The following LRFN2 variants were observed in gnomAD, a reference collection of about 807,000 sequenced individuals.
LRFN2 encodes the protein leucine-rich repeat and fibronectin type-III domain-containing protein 2.
LRFN2 carries 18 observed loss-of-function variants against 37.3 expected under a neutral mutation model. That is an observed-to-expected ratio of 0.48 (90% CI 0.33 to 0.72). The LOEUF is 0.72. LRFN2 is among the 30% of genes least tolerant of loss of function. LRFN2 has a pLI of 0.02. For synonymous variants in LRFN2, 556 were observed against 466.6 expected (o/e 1.19, Z -2.47); for missense variants, 1,006 against 1,060.7 (o/e 0.95, Z 0.72).
At chr6:40,560,313 G>A (rs1294121189) in intron 1 of LRFN2, among the ~76,000 whole-genome samples, 1 of 152,124 alleles carries the variant, frequency 6.6e-6, no homozygotes, top group Non-Finnish European at 1.5e-5. Flanking sequence ...TGTGTTCAAG[G>A]TCTATAGGCT....
intron 1 of LRFN2, among the ~76,000 whole-genome samples, chr6:40,453,513 AACACACACAC>A (rs5875719): frequency 0.014 from 1,625 of 119,782 alleles, 34 homozygotes; most frequent in African/African-American, 0.046. Flanking sequence ...CCCCAAGCCA[AACACACACAC>A]ACACACACAC....
In LRFN2 at chr6:40,392,112, G is replaced by T. The variant is rs1023063963; in HGVS notation, c.2201C>A (p.Ala734Glu). Residue 734 changes from alanine (A) to glutamate (E), a missense_variant, in exon 3 of 3, where the codon GCG (alanine) becomes GAG (glutamate). Transcript: ENST00000338305. This position sits in a 1 kb window ranked among gnomAD's most constrained non-coding sequence, Gnocchi z 4.7. Reference protein sequence around the residue: ...FDMGDFAAAAAGGVVPGGYSP... With the variant: ...FDMGDFAAAAEGGVVPGGYSP... ...GTAGCCGCCCGGCACGACCCCTCCC[G>T]CCGCCGCAGCAGCAAAGTCCCCCAT... The T allele has an allele frequency of 1.9e-6, 3 of 1,612,858 alleles. No individual in the cohort carries two copies. The highest frequency in any genetic ancestry group is 2.5e-6 in the Non-Finnish European group (3 of 1,179,680).
At chr6:40,540,473 G>A (rs1447111225) in intron 1 of LRFN2, among the ~76,000 whole-genome samples, 2 of 152,072 alleles carry the variant, frequency 1.3e-5, no homozygotes, top group Non-Finnish European at 2.9e-5. Flanking sequence ...ACCACCACAG[G>A]GGCGGGGAGC....
chr6:40,480,537 C>T (rs1438222424), intron 1 of LRFN2, among the ~76,000 whole-genome samples: 2 of 152,128 alleles, frequency 1.3e-5, no homozygotes, highest in African/African-American at 4.8e-5. Context: ...TTCGGCCTCC[C>T]AAAGTGCTGG....
At chr6:40,409,450 G>A (rs551874573) in intron 2 of LRFN2, among the ~76,000 whole-genome samples, 179 of 152,332 alleles carry the variant, frequency 1.2e-3, no homozygotes, top group African/African-American at 4.1e-3. Context: ...TATTTGTTCA[G>A]TACAGAGTAT....
chr6:40,556,749 A>G (rs1311740135), intron 1 of LRFN2, among the ~76,000 whole-genome samples: 3 of 141,144 alleles, frequency 2.1e-5, no homozygotes, highest in Admixed American at 6.9e-5. Context: ...ACACACACAC[A>G]CACGCACACA....
At chr6:40,532,765 A>T (rs902831609) in intron 1 of LRFN2, among the ~76,000 whole-genome samples, 2 of 152,234 alleles carry the variant, frequency 1.3e-5, no homozygotes, top group Non-Finnish European at 2.9e-5. Flanking sequence ...ATCATTATTT[A>T]CATGTCTGCC....
chr6:40,471,593 C>T (rs1385779218), intron 1 of LRFN2, among the ~76,000 whole-genome samples: 1 of 152,124 alleles, frequency 6.6e-6, no homozygotes, highest in East Asian at 1.9e-4. Context: ...ACTGCAGCCA[C>T]CCCCAACTCC....
chr6:40,549,715 A>C (rs1213318747), intron 1 of LRFN2, among the ~76,000 whole-genome samples: 1 of 152,182 alleles, frequency 6.6e-6, no homozygotes, highest in East Asian at 1.9e-4. Context: ...GGAAGTGTGA[A>C]TCCCCAGACC....
chr6:40,514,674 C>G (rs947900657), intron 1 of LRFN2, among the ~76,000 whole-genome samples: 2 of 152,182 alleles, frequency 1.3e-5, no homozygotes, highest in Admixed American at 1.3e-4. Context: ...GGTAAAGGAT[C>G]TGAGAAGGTC....
chr6:40,399,774 T>C (rs1292884754), intron 2 of LRFN2, among the ~76,000 whole-genome samples: 3 of 151,932 alleles, frequency 2.0e-5, no homozygotes, highest in Non-Finnish European at 2.9e-5. Context: ...AATGTTCTTT[T>C]ATTTCTGACT....
chr6:40,447,270 CATGTCCCCACCGT>C (rs1327481681), intron 1 of LRFN2, among the ~76,000 whole-genome samples: 1 of 152,252 alleles, frequency 6.6e-6, no homozygotes, highest in African/African-American at 2.4e-5. Flanking sequence ...TCAAGCAAAG[CATGTCCCCACCGT>C]ATGCCTCAGT....
intron 1 of LRFN2, among the ~76,000 whole-genome samples, chr6:40,494,352 G>A (rs1432058573): frequency 1.3e-5 from 2 of 152,142 alleles, no homozygotes; most frequent in Non-Finnish European, 2.9e-5. Context: ...GTGAGAGCAA[G>A]GGGCTTAGTT....
intron 1 of LRFN2, among the ~76,000 whole-genome samples, chr6:40,483,553 G>A (rs560819072): frequency 6.6e-5 from 10 of 152,336 alleles, no homozygotes; most frequent in African/African-American, 2.4e-4. Flanking sequence ...CACTTATTGT[G>A]TGCCAGTCTC....
chr6:40,507,975 A>G (rs1471103679), intron 1 of LRFN2, among the ~76,000 whole-genome samples: 1 of 152,176 alleles, frequency 6.6e-6, no homozygotes. Flanking sequence ...CCTCTGCCCC[A>G]GTGGAAAGGT....
chr6:40,469,388 G>A (rs981638363), intron 1 of LRFN2, among the ~76,000 whole-genome samples: 2 of 109,512 alleles, frequency 1.8e-5, no homozygotes, highest in African/African-American at 6.3e-5. Flanking sequence ...CCCAGAAAGC[G>A]ATCCAACCAT....
chr6:40,541,016 G>A (rs140575290), intron 1 of LRFN2, among the ~76,000 whole-genome samples: 1,538 of 152,258 alleles, frequency 0.01, 13 homozygotes, highest in Non-Finnish European at 0.016. Flanking sequence ...CTGTGGCCCC[G>A]GTGCCCACTT....
chr6:40,497,555 C>T (rs955744933), intron 1 of LRFN2, among the ~76,000 whole-genome samples: 2 of 152,122 alleles, frequency 1.3e-5, no homozygotes, highest in African/African-American at 2.4e-5. Flanking sequence ...TCTAATAAGT[C>T]CCTTGTACTA....
chr6:40,425,670 C>T (rs1166794648), intron 2 of LRFN2, among the ~76,000 whole-genome samples: 1 of 152,184 alleles, frequency 6.6e-6, no homozygotes, highest in Non-Finnish European at 1.5e-5. Context: ...AGTCAGCCCT[C>T]CCTAGTCACA....
Sources: gnomAD v4.1 joint callset for allele counts (sites outside exome capture counted in the v4.1 genomes callset) on GRCh38, gnomAD v4.1.1 for gene constraint, Gnocchi (gnomAD v3.1) non-coding constraint, MANE v1.5 for transcripts, NCBI Gene and HGNC (gene_info 2026-07-23, HGNC 2026-07-21) for gene names.